Variants in SSBP2 observed in about 807,000 individuals in gnomAD.
SSBP2 encodes the protein single-stranded DNA-binding protein 2.
In SSBP2, 17 loss-of-function variants were observed where a neutral mutation model predicts 61.8. That is an observed-to-expected ratio of 0.28 (90% CI 0.19 to 0.41). SSBP2 has a LOEUF of 0.41. Ranked by LOEUF, SSBP2 falls within the 10% of genes least tolerant of loss-of-function variation. SSBP2 has a pLI of 1.00. For missense variants in SSBP2, 310 were observed against 458.7 expected (o/e 0.68, Z 2.96); for synonymous variants, 139 against 141.3 (o/e 0.98, Z 0.12).
At chr5:81,657,975 T>C (rs566333916) in intron 1 of SSBP2, among the ~76,000 whole-genome samples, 106 of 152,274 alleles carry the variant, frequency 7.0e-4, no homozygotes, top group African/African-American at 2.5e-3. Flanking sequence ...GATGTCTTGA[T>C]ACATGTATAT....
At chr5:81,702,144 G>A (rs545278481) in intron 1 of SSBP2, among the ~76,000 whole-genome samples, 13 of 152,232 alleles carry the variant, frequency 8.5e-5, no homozygotes, top group South Asian at 4.1e-4. Flanking sequence ...AGGCCGAGGC[G>A]GGTAGATCAC....
intron 4 of SSBP2, among the ~76,000 whole-genome samples, chr5:81,598,281 T>C (rs1403752560): frequency 6.6e-6 from 1 of 152,154 alleles, no homozygotes; most frequent in African/African-American, 2.4e-5. Flanking sequence ...CACAAACTTC[T>C]TATAAAATTT....
intron 4 of SSBP2, among the ~76,000 whole-genome samples, chr5:81,610,599 C>G (rs1369976117): frequency 6.6e-6 from 1 of 151,666 alleles, no homozygotes; most frequent in Non-Finnish European, 1.5e-5. Flanking sequence ...GATTTTAAAC[C>G]CAAGAGACAA....
At chr5:81,496,173 A>G (rs554385764) in intron 5 of SSBP2, among the ~76,000 whole-genome samples, 14 of 152,200 alleles carry the variant, frequency 9.2e-5, no homozygotes, top group African/African-American at 2.9e-4. Flanking sequence ...TTGAAAACCT[A>G]GAAGTTTTAA....
intron 1 of SSBP2, among the ~76,000 whole-genome samples, chr5:81,721,061 A>T (rs1261504376): frequency 6.6e-6 from 1 of 152,206 alleles, no homozygotes; most frequent in African/African-American, 2.4e-5. Context: ...AAATAAAGCC[A>T]AAGATATACA....
chr5:81,748,752 C>T (rs758729370), intron 1 of SSBP2, among the ~76,000 whole-genome samples: 6 of 152,102 alleles, frequency 3.9e-5, no homozygotes, highest in Admixed American at 6.5e-5. Context: ...GATCTGCTCA[C>T]GAGAGTAGAT....
chr5:81,684,318 A>G (rs1752612065), intron 1 of SSBP2, among the ~76,000 whole-genome samples: 1 of 152,222 alleles, frequency 6.6e-6, no homozygotes, highest in East Asian at 1.9e-4. Flanking sequence ...TTAAACACAT[A>G]TTACTAAGTG....
chr5:81,466,325 C>T (rs1764889267), intron 9 of SSBP2, among the ~76,000 whole-genome samples: 2 of 151,958 alleles, frequency 1.3e-5, no homozygotes, highest in Admixed American at 6.6e-5. Context: ...ACAAACTACT[C>T]TCTTTGGGTT....
chr5:81,726,751 C>T (rs1755914624), intron 1 of SSBP2, among the ~76,000 whole-genome samples: 1 of 152,182 alleles, frequency 6.6e-6, no homozygotes, highest in South Asian at 2.1e-4. Flanking sequence ...CACAACACTT[C>T]TAAGCAGTTT....
rs562822593 is a variant in SSBP2 at position 81,535,167 on chromosome 5, T to C, written c.283-21450A>G. On this transcript the variant is annotated intron_variant, in intron 4 of 16. Coordinates refer to ENST00000320672, the MANE Select transcript of SSBP2 (RefSeq NM_012446.5). The stretch of plus-strand genomic sequence containing the variant: ...AATTTGACATAAAAAAACACAGCAC[T>C]ATTTACATTATTACCCCAAAAGATG... Among the ~76,000 whole-genome samples the C allele has an allele frequency of 7.4e-4, 113 of 152,182 alleles. 1 individual carries two copies. The highest frequency in any genetic ancestry group is 1.5e-3 in the Non-Finnish European group (104 of 67,978).
At chr5:81,432,704 C>T (rs1762372776) in intron 15 of SSBP2, among the ~76,000 whole-genome samples, 1 of 152,180 alleles carries the variant, frequency 6.6e-6, no homozygotes, top group Non-Finnish European at 1.5e-5. Context: ...CAAGATTGTG[C>T]TACTGTACTC....
chr5:81,598,450 C>T (rs997955201), intron 4 of SSBP2, among the ~76,000 whole-genome samples: 4 of 150,176 alleles, frequency 2.7e-5, no homozygotes, highest in African/African-American at 9.8e-5. Flanking sequence ...CCTACTACAC[C>T]CTGTCTGAAT....
intron 4 of SSBP2, among the ~76,000 whole-genome samples, chr5:81,584,891 A>T (rs1015947274): frequency 1.3e-5 from 2 of 152,196 alleles, no homozygotes; most frequent in Admixed American, 1.3e-4. Flanking sequence ...TCCATATAGC[A>T]TATAATGCTG....
chr5:81,547,435 T>C (rs903320158), intron 4 of SSBP2, among the ~76,000 whole-genome samples: 1 of 151,642 alleles, frequency 6.6e-6, no homozygotes, highest in Non-Finnish European at 1.5e-5. Context: ...TAAAAAGATA[T>C]GAGGTATCAA....
chr5:81,551,146 T>TATTA (rs1772159233), intron 4 of SSBP2, among the ~76,000 whole-genome samples: 1 of 151,552 alleles, frequency 6.6e-6, no homozygotes, highest in South Asian at 2.1e-4. Context: ...TTCATGTTAT[T>TATTA]ATTATAACTA....
chr5:81,624,941 A>C (rs1469445603), intron 3 of SSBP2, among the ~76,000 whole-genome samples: 2 of 152,162 alleles, frequency 1.3e-5, no homozygotes, highest in Admixed American at 1.3e-4. Context: ...AAGGTATGTA[A>C]TCCATGGCAC....
At chr5:81,674,465 A>G (rs1482812851) in intron 1 of SSBP2, among the ~76,000 whole-genome samples, 1 of 152,186 alleles carries the variant, frequency 6.6e-6, no homozygotes, top group African/African-American at 2.4e-5. Context: ...TACCAGTCAA[A>G]GCTTATTCAA....
chr5:81,451,322 T>A (rs1580717918), intron 10 of SSBP2, among the ~76,000 whole-genome samples: 1 of 151,908 alleles, frequency 6.6e-6, no homozygotes, highest in South Asian at 2.1e-4. Context: ...TTCATGTATA[T>A]CCCAGATAGG....
chr5:81,518,669 T>C (rs1481907660), intron 4 of SSBP2, among the ~76,000 whole-genome samples: 1 of 152,142 alleles, frequency 6.6e-6, no homozygotes, highest in East Asian at 1.9e-4. Flanking sequence ...TGAGAAACAC[T>C]TAAAATAATG....
Sources: gnomAD v4.1 joint callset for allele counts (sites outside exome capture counted in the v4.1 genomes callset) on GRCh38, gnomAD v4.1.1 for gene constraint, MANE v1.5 for transcripts, NCBI Gene and HGNC (gene_info 2026-07-23, HGNC 2026-07-21) for gene names.